Variants in GRIK2 observed in about 807,000 individuals in gnomAD.
GRIK2 encodes glutamate receptor ionotropic, kainate 2.
In GRIK2, 32 loss-of-function variants were observed where a neutral mutation model predicts 100.3. That is an observed-to-expected ratio of 0.32 (90% CI 0.24 to 0.43). The LOEUF is 0.43. GRIK2 is among the 20% of genes least tolerant of loss of function. The pLI is 1.00. For synonymous variants in GRIK2, 417 were observed against 389.4 expected (o/e 1.07, Z -0.83); for missense variants, 843 against 1,114.9 (o/e 0.76, Z 3.47).
rs2039854 is a variant in GRIK2, at chr6:101,820,456, C to G, written c.1317+1973C>G. On this transcript the variant is annotated intron_variant, in intron 10 of 16. Transcript: ENST00000369134. ...GCTCAATTCTTCTTCTTCTCCTCCT[C>G]CTTCTTCTTCGATGGAGTCTTGCTC... 2.2e-3 allele frequency among the ~76,000 whole-genome samples: 338 copies of G among 152,080 alleles called. 3 individuals are homozygous for G. The highest frequency in any genetic ancestry group is 7.6e-3 in the African/African-American group (315 of 41,482).
At chr6:101,942,745 T>TA (rs1791032656) in intron 14 of GRIK2, among the ~76,000 whole-genome samples, 1 of 152,170 alleles carries the variant, frequency 6.6e-6, no homozygotes, top group South Asian at 2.1e-4. Flanking sequence ...ACTAACAGCA[T>TA]ACAGTCATAC....
At chr6:101,599,011 C>G (rs942451688) in intron 2 of GRIK2, among the ~76,000 whole-genome samples, 1 of 151,594 alleles carries the variant, frequency 6.6e-6, no homozygotes, top group African/African-American at 2.4e-5. Flanking sequence ...GATTTCATCA[C>G]CCAGGTAGTC....
At chr6:101,992,684 T>A (rs1794440405) in intron 14 of GRIK2, among the ~76,000 whole-genome samples, 1 of 151,594 alleles carries the variant, frequency 6.6e-6, no homozygotes, top group African/African-American at 2.4e-5. Context: ...AGAAGCACAG[T>A]GGGCAAGTTT....
chr6:101,452,689 T>A (rs567855624), intron 2 of GRIK2, among the ~76,000 whole-genome samples: 43 of 151,884 alleles, frequency 2.8e-4, no homozygotes, highest in Admixed American at 6.6e-4. Context: ...TAATGCAAAG[T>A]CTGTTTTTAT....
chr6:102,051,090 T>TAC (rs1276242340), intron 15 of GRIK2, among the ~76,000 whole-genome samples: 2 of 152,182 alleles, frequency 1.3e-5, no homozygotes, highest in Non-Finnish European at 1.5e-5. Flanking sequence ...CATTTGTAGT[T>TAC]TTTATGTGCC....
intron 15 of GRIK2, among the ~76,000 whole-genome samples, chr6:102,036,800 A>G (rs1174807297): frequency 6.6e-6 from 1 of 151,440 alleles, no homozygotes; most frequent in Non-Finnish European, 1.5e-5. Flanking sequence ...TGATGGTAAT[A>G]TTTTAGAGTA....
chr6:101,764,730 A>C (rs1777937584), intron 7 of GRIK2, among the ~76,000 whole-genome samples: 1 of 151,958 alleles, frequency 6.6e-6, no homozygotes, highest in Non-Finnish European at 1.5e-5. Context: ...GAGTTTCCTG[A>C]AGGATCTCCT....
intron 2 of GRIK2, among the ~76,000 whole-genome samples, chr6:101,571,365 AG>A (rs1582740070): frequency 6.6e-6 from 1 of 152,174 alleles, no homozygotes; most frequent in East Asian, 1.9e-4. Context: ...ACATAAAAAA[AG>A]ATTGGTCATT....
rs1229518584 is a variant in GRIK2, at chr6:101,760,144, C to G, written c.952-39504C>G. ...TCGGCCTCCCAAAGTGCTGGGATTA[C>G]AGGCGTGAGCCACCGCGCCCGGCCA... On this transcript the variant is annotated intron_variant, in intron 7 of 16. Transcript: ENST00000369134. Among the ~76,000 whole-genome samples the G allele has an allele frequency of 2.1e-5, 3 of 145,910 alleles. No individual in the cohort carries two copies. In the East Asian group the frequency reaches 5.9e-4, roughly 29 times the overall value.
At chr6:101,670,317 G>A (rs1446035915) in intron 4 of GRIK2, among the ~76,000 whole-genome samples, 2 of 152,166 alleles carry the variant, frequency 1.3e-5, no homozygotes, top group East Asian at 3.9e-4. Context: ...GTAGGAGACG[G>A]CAGGTCCTAC....
intron 7 of GRIK2, among the ~76,000 whole-genome samples, chr6:101,770,061 C>T (rs749481170): frequency 6.6e-6 from 1 of 152,098 alleles, no homozygotes; most frequent in Non-Finnish European, 1.5e-5. Context: ...GAATGGTAAC[C>T]TTCTCTTTAC....
At chr6:101,736,919 T>C (rs1299831545) in intron 7 of GRIK2, among the ~76,000 whole-genome samples, 1 of 152,192 alleles carries the variant, frequency 6.6e-6, no homozygotes, top group Non-Finnish European at 1.5e-5. Flanking sequence ...AGTCACCTCT[T>C]GAATGCTTTG....
chr6:101,931,402 T>C (rs1790276843), intron 14 of GRIK2, among the ~76,000 whole-genome samples: 1 of 152,134 alleles, frequency 6.6e-6, no homozygotes, highest in Non-Finnish European at 1.5e-5. Context: ...TAGCAAGACC[T>C]TGCTGTTAAC....
At chr6:101,794,409 C>A (rs888022761) in intron 7 of GRIK2, among the ~76,000 whole-genome samples, 1 of 152,048 alleles carries the variant, frequency 6.6e-6, no homozygotes, top group African/African-American at 2.4e-5. Context: ...TTAAAAAAAT[C>A]CATTCAGCTA....
At chr6:101,869,961 A>G (rs1186481894) in intron 11 of GRIK2, among the ~76,000 whole-genome samples, 1 of 151,990 alleles carries the variant, frequency 6.6e-6, no homozygotes, top group Admixed American at 6.6e-5. Flanking sequence ...TTTTGTTACC[A>G]ACTAAGCAGG....
At chr6:101,666,819 G>T (rs1236560886) in intron 4 of GRIK2, among the ~76,000 whole-genome samples, 4 of 152,154 alleles carry the variant, frequency 2.6e-5, no homozygotes, top group African/African-American at 9.7e-5. Flanking sequence ...TTACAGGACT[G>T]CAGGCAAGAT....
intron 10 of GRIK2, among the ~76,000 whole-genome samples, chr6:101,837,480 T>C (rs1783205298): frequency 6.6e-6 from 1 of 152,204 alleles, no homozygotes. Flanking sequence ...ATAATGTATA[T>C]ATATACCAAA....
intron 14 of GRIK2, among the ~76,000 whole-genome samples, chr6:101,932,381 A>G (rs375266100): frequency 1.3e-4 from 20 of 151,888 alleles, no homozygotes; most frequent in African/African-American, 4.6e-4. Flanking sequence ...GTTGCATTCT[A>G]TACCTTTACA....
chr6:101,415,360 C>A (rs866749600), intron 2 of GRIK2, among the ~76,000 whole-genome samples: 1 of 145,462 alleles, frequency 6.9e-6, no homozygotes, highest in Non-Finnish European at 1.5e-5. Context: ...AGTATTTTTC[C>A]ATAACTTTTT....
Sources: gnomAD v4.1 joint callset for allele counts (sites outside exome capture counted in the v4.1 genomes callset) on GRCh38, gnomAD v4.1.1 for gene constraint, MANE v1.5 for transcripts, NCBI Gene and HGNC (gene_info 2026-07-23, HGNC 2026-07-21) for gene names.